RTL4: variants seen among roughly 807,000 people sequenced by gnomAD.
The protein encoded by RTL4 is retrotransposon Gag like 4.
A neutral mutation model predicts 5.3 loss-of-function variants in RTL4; 4 were observed. The ratio of observed to expected loss-of-function variants is 0.75; its 90% CI spans 0.37 to 1.72. The LOEUF (loss-of-function observed/expected upper bound fraction) is 1.72. RTL4 is among the 40% of genes most tolerant of loss of function. The pLI is 0.04. For missense variants in RTL4, 260 were observed against 227.1 expected (o/e 1.14, Z -0.93); for synonymous variants, 98 against 87.3 (o/e 1.12, Z -0.68).
the RTL4 span, among the ~76,000 whole-genome samples, chrX:112,113,104 C>G: frequency 9.0e-6 from 1 of 111,606 alleles, no homozygotes; most frequent in Non-Finnish European, 1.9e-5. Context: ...AAATGTCTAA[C>G]AGTATCCTGT....
the RTL4 span, among the ~76,000 whole-genome samples, chrX:112,117,698 G>T: frequency 1.8e-5 from 2 of 111,645 alleles, no homozygotes; most frequent in Non-Finnish European, 3.8e-5. Context: ...GCATAGGAAT[G>T]GGGAAATGGG....
upstream of RTL4, among the ~76,000 whole-genome samples, chrX:112,452,360 C>CA (rs1299885008): frequency 9.5e-6 from 1 of 105,643 alleles, no homozygotes; most frequent in Non-Finnish European, 1.9e-5. Context: ...CTCGGCCTCC[C>CA]AAAGTGCTGG....
the RTL4 span, among the ~76,000 whole-genome samples, chrX:112,136,215 A>G: frequency 2.7e-5 from 3 of 111,595 alleles, no homozygotes; most frequent in Non-Finnish European, 3.8e-5. Context: ...TTTATTTGTT[A>G]CAACAATTTT....
the RTL4 span, among the ~76,000 whole-genome samples, chrX:112,088,371 G>A: frequency 9.0e-6 from 1 of 111,380 alleles, no homozygotes; most frequent in African/African-American, 3.3e-5. Context: ...CATCTGTGTT[G>A]TAGCATATAA....
At chrX:112,220,278 A>G in the RTL4 span, among the ~76,000 whole-genome samples, 1 of 112,705 alleles carries the variant, frequency 8.9e-6, no homozygotes, top group Non-Finnish European at 1.9e-5. Context: ...CAATATATAT[A>G]TTTTTAAAAA....
the RTL4 span, among the ~76,000 whole-genome samples, chrX:112,095,685 G>T: frequency 6.3e-5 from 7 of 111,680 alleles, no homozygotes; most frequent in Non-Finnish European, 1.3e-4. Context: ...GTAGGAACTT[G>T]TAGTAAGAGA....
At chrX:112,176,689 A>T in the RTL4 span, among the ~76,000 whole-genome samples, 1 of 112,201 alleles carries the variant, frequency 8.9e-6, no homozygotes, top group Non-Finnish European at 1.9e-5. Context: ...GGAACATTAC[A>T]GTTCTTCAAG....
chrX:112,236,761 C>T, the RTL4 span, among the ~76,000 whole-genome samples: 1 of 109,569 alleles, frequency 9.1e-6, no homozygotes, highest in African/African-American at 3.3e-5. Context: ...TGCCTCAGTT[C>T]ACACAAATAT....
the RTL4 span, among the ~76,000 whole-genome samples, chrX:112,097,541 C>G: frequency 9.0e-6 from 1 of 111,048 alleles, no homozygotes; most frequent in African/African-American, 3.3e-5. Flanking sequence ...AAGGCTGAGG[C>G]AGGAGGATTG....
At chrX:112,126,413 A>G in the RTL4 span, among the ~76,000 whole-genome samples, 156 of 112,365 alleles carry the variant, frequency 1.4e-3, no homozygotes, top group Non-Finnish European at 2.2e-3. Flanking sequence ...AATTTATGGG[A>G]TGAAGAAAAG....
At chrX:112,185,906 A>T in the RTL4 span, among the ~76,000 whole-genome samples, 9 of 111,172 alleles carry the variant, frequency 8.1e-5, no homozygotes, top group African/African-American at 2.6e-4. Context: ...GGAGCTAATT[A>T]GTTTCCATAA....
At chrX:112,292,956 T>A in the RTL4 span, among the ~76,000 whole-genome samples, 4 of 112,207 alleles carry the variant, frequency 3.6e-5, no homozygotes, top group African/African-American at 1.3e-4. Flanking sequence ...ACATATCTAC[T>A]GTGTAAAGCA....
the RTL4 span, among the ~76,000 whole-genome samples, chrX:112,163,183 C>G: frequency 3.6e-5 from 4 of 111,580 alleles, no homozygotes; most frequent in African/African-American, 1.3e-4. Flanking sequence ...AGAAAGAGCC[C>G]AAGTGTGTAG....
chrX:112,129,507 AAAAC>A, the RTL4 span, among the ~76,000 whole-genome samples: 28 of 112,398 alleles, frequency 2.5e-4, no homozygotes, highest in Admixed American at 1.2e-3. Flanking sequence ...GTATTAGCAA[AAAAC>A]AAACAAACAA....
chrX:112,229,756 C>T, the RTL4 span, among the ~76,000 whole-genome samples: 1 of 112,159 alleles, frequency 8.9e-6, no homozygotes, highest in Non-Finnish European at 1.9e-5. Flanking sequence ...CAGTCAGGAC[C>T]CTCAGCTGCA....
chrX:112,211,359 T>A, the RTL4 span, among the ~76,000 whole-genome samples: 1 of 112,272 alleles, frequency 8.9e-6, no homozygotes, highest in East Asian at 2.8e-4. Context: ...CATATCTGAT[T>A]TTCAAGAAAG....
chrX:112,168,943 CTTTCTTTCTTTCTTTCTTTCTT>C, the RTL4 span, among the ~76,000 whole-genome samples: 5 of 12,895 alleles, frequency 3.9e-4, no homozygotes, highest in Non-Finnish European at 9.8e-4. Flanking sequence ...CTTTCTTTTT[CTTTCTTTCTTTCTTTCTTTCTT>C]TTTCTTTCTT....
the RTL4 span, among the ~76,000 whole-genome samples, chrX:112,155,345 A>G: frequency 9.0e-6 from 1 of 110,974 alleles, no homozygotes; most frequent in East Asian, 2.8e-4. Flanking sequence ...TTGCTGTCTT[A>G]GGCAATTGCA....
chrX:112,279,176 G>C, the RTL4 span, among the ~76,000 whole-genome samples: 1 of 111,263 alleles, frequency 9.0e-6, no homozygotes, highest in Non-Finnish European at 1.9e-5. Flanking sequence ...AATAAAACAA[G>C]AAAAGTTTCC....
Sources: allele counts gnomAD v4.1 joint callset (sites outside exome capture counted in the v4.1 genomes callset), GRCh38; gene constraint gnomAD v4.1.1; transcripts MANE v1.5; gene names NCBI Gene and HGNC (gene_info 2026-07-23, HGNC 2026-07-21).